SHANK2: variants seen among roughly 807,000 people sequenced by gnomAD.
SHANK2 encodes SH3 and multiple ankyrin repeat domains protein 2.
Under a neutral mutation model 133.7 loss-of-function variants are expected in SHANK2, and 43 were observed. The observed-to-expected ratio is 0.32, with a 90% confidence interval of 0.25 to 0.41. The LOEUF (loss-of-function observed/expected upper bound fraction) is 0.41, where lower values mean the gene tolerates loss of function less well. Ranked by LOEUF, SHANK2 falls within the 10% of genes least tolerant of loss-of-function variation. The probability of loss-of-function intolerance (pLI) is 1.00; values close to 1 mark genes in which losing one functional copy is unlikely to be tolerated. For missense variants in SHANK2, 1,994 were observed against 2,235.8 expected (o/e 0.89, Z 2.18); for synonymous variants, 1,017 against 952.8 (o/e 1.07, Z -1.24).
chr11:71,118,310 A>G (rs1385417725), intron 4 of SHANK2, among the ~76,000 whole-genome samples: 1 of 152,230 alleles, frequency 6.6e-6, no homozygotes, highest in Non-Finnish European at 1.5e-5. Flanking sequence ...GTCCATTTTC[A>G]CACTGCTATA....
chr11:70,773,150 G>A (rs545263244), intron 14 of SHANK2, among the ~76,000 whole-genome samples: 7 of 152,192 alleles, frequency 4.6e-5, no homozygotes, highest in Admixed American at 1.3e-4. Context: ...GGAGCTGGGG[G>A]TGAGGCAACC....
intron 17 of SHANK2, among the ~76,000 whole-genome samples, chr11:70,533,695 A>G (rs1405219721): frequency 1.3e-5 from 2 of 152,054 alleles, no homozygotes; most frequent in Non-Finnish European, 2.9e-5. Flanking sequence ...GTGCGACTCC[A>G]TGGCATTTAG....
chr11:71,228,048 C>A (rs1954672354), intron 1 of SHANK2, among the ~76,000 whole-genome samples: 1 of 151,790 alleles, frequency 6.6e-6, no homozygotes. Flanking sequence ...CACAAATTAC[C>A]AATACCAGGA....
At chr11:70,605,181 CCT>C (rs61053201) in intron 17 of SHANK2, among the ~76,000 whole-genome samples, 7,818 of 152,334 alleles carry the variant, frequency 0.051, 283 homozygotes, top group East Asian at 0.23. Flanking sequence ...AAAAAAGCCC[CCT>C]GTCATGCCAA....
chr11:71,133,420 A>AGACGGAGG (rs1952367852), intron 3 of SHANK2, among the ~76,000 whole-genome samples: 1 of 12,454 alleles, frequency 8.0e-5, no homozygotes, highest in Non-Finnish European at 1.4e-4. Flanking sequence ...ATGGATGGAC[A>AGACGGAGG]GATGGAGGGA....
At chr11:71,228,314 C>T (rs531812549) in intron 1 of SHANK2, among the ~76,000 whole-genome samples, 2 of 152,158 alleles carry the variant, frequency 1.3e-5, no homozygotes, top group Non-Finnish European at 2.9e-5. Context: ...TAAATGAGTT[C>T]ACTGGAGAAT....
intron 17 of SHANK2, among the ~76,000 whole-genome samples, chr11:70,528,348 G>A (rs1244754183): frequency 6.6e-6 from 1 of 152,170 alleles, no homozygotes; most frequent in African/African-American, 2.4e-5. Flanking sequence ...GGGCTGACGC[G>A]AGGCTCCTTG....
intron 17 of SHANK2, among the ~76,000 whole-genome samples, chr11:70,525,470 AT>A (rs543242388): frequency 3.2e-4 from 47 of 147,684 alleles, no homozygotes; most frequent in East Asian, 6.0e-4. Context: ...GGGATGGTGG[AT>A]TTTTTTTTTT....
At chr11:71,186,919 C>G (rs1274941102) in intron 2 of SHANK2, among the ~76,000 whole-genome samples, 1 of 152,248 alleles carries the variant, frequency 6.6e-6, no homozygotes, top group African/African-American at 2.4e-5. Context: ...TTGCCTTTGA[C>G]TTCTTCCTTG....
chr11:71,072,873 C>T, intron 9 of SHANK2, among the ~76,000 whole-genome samples: 1 of 152,072 alleles, frequency 6.6e-6, no homozygotes. Flanking sequence ...AGAAAGTGAA[C>T]AGGGGTTGCC....
At chr11:70,850,311 C>T (rs1949065722) in intron 11 of SHANK2, among the ~76,000 whole-genome samples, 2 of 152,224 alleles carry the variant, frequency 1.3e-5, no homozygotes, top group Non-Finnish European at 2.9e-5. Context: ...AGATGTCTGT[C>T]TCCAAGCTTC....
rs1949675295 is a variant in SHANK2 at position 70,882,608 on chromosome 11, G to A, written c.1174+13893C>T. Among the ~76,000 whole-genome samples, 1 of 152,212 alleles carries A rather than the reference G, an allele frequency of 6.6e-6. No homozygotes were observed. The highest frequency in any genetic ancestry group is 1.5e-5 in the Non-Finnish European group (1 of 68,040). On this transcript the variant is annotated intron_variant, in intron 11 of 25. Transcript: ENST00000601538. The surrounding 1 kb of genome is among the most constrained non-coding windows in gnomAD (Gnocchi z 4.2). ...CTAGTCTGTGCAGAAGCAGGCTTAG[G>A]TCAGAGGTAGGGCAGACCCCAAAAC...
chr11:71,211,590 G>A (rs1278495504), intron 2 of SHANK2, among the ~76,000 whole-genome samples: 2 of 149,172 alleles, frequency 1.3e-5, no homozygotes, highest in African/African-American at 5.0e-5. Context: ...GTGGGTTTTA[G>A]TGAGTTCACA....
At chr11:70,945,033 C>G (rs67762116) in intron 10 of SHANK2, among the ~76,000 whole-genome samples, 43,111 of 152,022 alleles carry the variant, frequency 0.28, 7,248 homozygotes, top group African/African-American at 0.47. Flanking sequence ...TCTGCCCGGA[C>G]TATTTAGTTC....
rs569630791 is a variant in SHANK2, at chr11:71,135,373, T to C, written c.207+11747A>G. 2.0e-5 allele frequency among the ~76,000 whole-genome samples: 3 copies of C among 152,006 alleles called. No homozygotes were observed. In the East Asian group the frequency reaches 5.8e-4, roughly 29 times the overall value. ...CAGGCGCTTAGCTGTGAAATCCCCC[T>C]GTAAACAAAGAGACCGAGGAGAAGC... On this transcript the variant is annotated intron_variant, in intron 3 of 25. Transcript: ENST00000601538.
chr11:71,155,630 C>T (rs2135445243), intron 2 of SHANK2, among the ~76,000 whole-genome samples: 2 of 152,144 alleles, frequency 1.3e-5, no homozygotes, highest in Middle Eastern at 6.8e-3. Flanking sequence ...CCACCTCTTC[C>T]AGCAGTCTTG....
intron 2 of SHANK2, among the ~76,000 whole-genome samples, chr11:71,185,460 G>T (rs1953651161): frequency 6.6e-6 from 1 of 152,190 alleles, no homozygotes; most frequent in Non-Finnish European, 1.5e-5. Flanking sequence ...GAAGGATGGG[G>T]ATTATATAGA....
intron 10 of SHANK2, among the ~76,000 whole-genome samples, chr11:70,926,370 G>C (rs1555081614): frequency 6.6e-6 from 1 of 152,136 alleles, no homozygotes; most frequent in Non-Finnish European, 1.5e-5. Context: ...GCTTGGCTCA[G>C]TAAGCCAAGA....
intron 17 of SHANK2, among the ~76,000 whole-genome samples, chr11:70,549,933 C>G (rs2059743790): frequency 6.6e-6 from 1 of 152,224 alleles, no homozygotes; most frequent in Admixed American, 6.5e-5. Context: ...TTGGTGGGCT[C>G]TCTCCTGCTG....
Sources: gnomAD v4.1 joint callset for allele counts (sites outside exome capture counted in the v4.1 genomes callset) on GRCh38, gnomAD v4.1.1 for gene constraint, Gnocchi (gnomAD v3.1) non-coding constraint, MANE v1.5 for transcripts, NCBI Gene and HGNC (gene_info 2026-07-23, HGNC 2026-07-21) for gene names.